Variants in CLCN6 observed in about 807,000 individuals in gnomAD.
CLCN6 encodes Cl-/H+ antiporter 6.
Under a neutral mutation model 109.8 loss-of-function variants are expected in CLCN6, and 70 were observed. The observed-to-expected ratio is 0.64, with a 90% CI of 0.53 to 0.78. The LOEUF (loss-of-function observed/expected upper bound fraction) is 0.78, where lower values mean the gene tolerates loss of function less well. CLCN6 is among the 30% of genes least tolerant of loss of function. The pLI is 0.00. For synonymous variants in CLCN6, 444 were observed against 447.8 expected (o/e 0.99, Z 0.11); for missense variants, 984 against 1,142.3 (o/e 0.86, Z 2.00).
chr1:11,826,039 C>A, intron 8 of CLCN6, 117 bp from the exon 9 acceptor site: 1 of 706,164 alleles, frequency 1.4e-6, no homozygotes, highest in Non-Finnish European at 2.4e-6. Flanking sequence ...CCCATAGTTT[C>A]AGTCCTAGGC....
At chr1:11,823,313 G>A (rs900026595) in intron 6 of CLCN6, among the ~76,000 whole-genome samples, 2 of 130,092 alleles carry the variant, frequency 1.5e-5, no homozygotes, top group Non-Finnish European at 3.3e-5. Flanking sequence ...AAAATTAGCC[G>A]GTAAAAATAC....
intron 12 of CLCN6, 64 bp from the exon 13 acceptor site, chr1:11,829,131 GT>G (rs747786154): frequency 1.9e-6 from 3 of 1,591,842 alleles, no homozygotes; most frequent in Non-Finnish European, 2.6e-6. Context: ...GCAGGGTTAT[GT>G]TTTGAATTTC....
intron 4 of CLCN6, among the ~76,000 whole-genome samples, chr1:11,817,287 T>C (rs572163424): frequency 6.6e-6 from 1 of 152,330 alleles, no homozygotes; most frequent in South Asian, 2.1e-4. Context: ...GGTACGGAAC[T>C]GTGAACATCG....
chr1:11,831,739 G>A (rs1170576020), intron 13 of CLCN6, among the ~76,000 whole-genome samples: 2 of 151,922 alleles, frequency 1.3e-5, no homozygotes, highest in African/African-American at 2.4e-5. Flanking sequence ...GCTGGAGTAC[G>A]GTGGTGTGAT....
At chr1:11,831,381 T>C (rs1644882301) in intron 13 of CLCN6, among the ~76,000 whole-genome samples, 1 of 151,964 alleles carries the variant, frequency 6.6e-6, no homozygotes, top group South Asian at 2.1e-4. Flanking sequence ...TGTTTTGAAC[T>C]CCTGACCTTG....
intron 2 of CLCN6, among the ~76,000 whole-genome samples, chr1:11,808,578 T>C (rs1376052215): frequency 6.6e-6 from 1 of 152,226 alleles, no homozygotes; most frequent in Admixed American, 6.5e-5. Context: ...TTCTTGTAAA[T>C]GTCATATGTA....
chr1:11,828,723 C>A, intron 12 of CLCN6, 99 bp downstream of exon 12: 1 of 1,249,342 alleles, frequency 8.0e-7, no homozygotes, highest in Non-Finnish European at 1.1e-6. Flanking sequence ...GCCTCCACGG[C>A]TTTGATTTCT....
intron 4 of CLCN6, 150 bp from the exon 5 acceptor site, chr1:11,819,338 T>G (rs1457466264): frequency 4.2e-6 from 3 of 717,542 alleles, no homozygotes; most frequent in African/African-American, 3.5e-5. Flanking sequence ...CCTTCTGCGC[T>G]TTTCTGCTGT....
intron 2 of CLCN6, among the ~76,000 whole-genome samples, chr1:11,809,737 C>T (rs1257623885): frequency 2.0e-5 from 3 of 152,218 alleles, no homozygotes; most frequent in African/African-American, 4.8e-5. Flanking sequence ...GGATTACAAG[C>T]GTGAGCCACC....
chr1:11,819,505 C>A lies in CLCN6; in HGVS notation c.297C>A (p.Asp99Glu). The A allele has an allele frequency of 1.2e-6, 2 of 1,614,142 alleles. No homozygotes were observed. The highest frequency in any genetic ancestry group is 1.7e-6 in the Non-Finnish European group (2 of 1,180,010). The change falls in exon 5 of 23, where the codon GAC becomes GAA. Residue 99 changes from aspartate (D) to glutamate (E), a missense_variant. By Grantham distance (45) the Asp-to-Glu change is conservative. Coordinates refer to ENST00000346436, the MANE Select transcript of CLCN6 (RefSeq NM_001286.5). ...VCTGLVGLFV[D>E]FFVRLFTQLK... ...CTTCACAGGTGGGTCTCTTTGTGGA[C>A]TTTTTTGTGCGACTCTTCACCCAAC...
rs1359328796 is a variant in CLCN6 at position 11,830,737 on chromosome 1, T to TATAATATATATATATATATATATA, written c.1248+1415_1248+1416insATAATATATATATATATATATATA. The stretch of plus-strand genomic sequence containing the variant: ...CAGTGTCCCCAGTTATATGTATATA[T>TATAATATATATATATATATATATA]TATATATATATATATATATATATAT... On this transcript the variant is annotated intron_variant, in intron 13 of 22. Transcript: ENST00000346436. 3.6e-4 allele frequency among the ~76,000 whole-genome samples: 33 copies of TATAATATATATATATATATATATA among 91,106 alleles called. 1 individual carries two copies. The highest frequency in any genetic ancestry group is 1.2e-3 in the African/African-American group (31 of 25,094). 59.8% of individuals were successfully genotyped at this position (91,106 alleles called of 152,430 possible). A position where few individuals can be genotyped will look rare whatever the true frequency, so the allele number is the denominator to read the frequency against.
chr1:11,824,299 T>C (rs1405898267), intron 7 of CLCN6, among the ~76,000 whole-genome samples, 187 bp from the exon 8 acceptor site: 2 of 152,202 alleles, frequency 1.3e-5, no homozygotes, highest in Non-Finnish European at 1.5e-5. Context: ...ATTTAGAATG[T>C]AGAGTGTTTT....
At position 11,828,580 on chromosome 1, in the gene CLCN6, A is replaced by G; in HGVS notation, c.1077A>G (p.Ala359=). 6.2e-7 allele frequency: 1 copy of G among 1,614,036 alleles called. No homozygotes were observed. Among genetic ancestry groups the G allele is most frequent in the Non-Finnish European group, 8.5e-7 (1 of 1,179,992 alleles). Residue 359 remains alanine, a synonymous_variant, in exon 12 of 23, where the codon GCA becomes GCG. Transcript: ENST00000346436. ...TCAACTGTCTGAACAAGAGGCTTGC[A>G]AAGTACCGTATGCGAAACGTGCACC... ...ATFNCLNKRL[A]KYRMRNVHPK...
intron 18 of CLCN6, 72 bp downstream of exon 18, chr1:11,836,225 G>A: frequency 7.0e-7 from 1 of 1,433,046 alleles, no homozygotes; most frequent in Non-Finnish European, 9.4e-7. Flanking sequence ...TTAGTGCTTT[G>A]CCCACCCCTG....
rs755853687 is a variant in CLCN6, at chr1:11,837,176, C to G, written c.2138+20C>G. 6.2e-7 allele frequency: 1 copy of G among 1,611,006 alleles called. No individual in the cohort carries two copies. Among genetic ancestry groups the G allele is most frequent in the Admixed American group, 1.7e-5 (1 of 59,836 alleles). ...AAGGAGGTGAGAGCCTGGCGGGGCCCCCACTGCCCGCAGGGCTACACAGCG... is the reference window on the plus strand; with the variant it reads ...AAGGAGGTGAGAGCCTGGCGGGGCCGCCACTGCCCGCAGGGCTACACAGCG... On this transcript the variant is annotated intron_variant, in intron 19 of 22. Transcript: ENST00000346436.
intron 13 of CLCN6, among the ~76,000 whole-genome samples, chr1:11,832,284 T>A (rs1644891888): frequency 6.6e-6 from 1 of 152,246 alleles, no homozygotes; most frequent in Admixed American, 6.5e-5. Context: ...TGGCAGAGTT[T>A]AGAGACAAAG....
chr1:11,829,370 T>C (rs1217269378), intron 13 of CLCN6, 48 bp downstream of exon 13: 1 of 1,609,988 alleles, frequency 6.2e-7, no homozygotes, highest in South Asian at 1.1e-5. Context: ...CGAGGAAGAA[T>C]CCAGAAATGT....
rs556693384 is a variant in CLCN6, at chr1:11,838,576, G to A, written c.2445G>A (p.Ser815=). 75 of 1,613,024 alleles carry A rather than the reference G, an allele frequency of 4.6e-5. No homozygotes were observed. The African/African-American group carries it at 7.3e-4, about 16-fold the overall frequency. Residue 815 remains serine (S), a synonymous_variant, in exon 22 of 23, where the codon TCG becomes TCA. Transcript: ENST00000346436. ...PYMNPSPFTV[S]PNTHVSQVFN... ...TGAACCCTTCGCCTTTCACCGTCTC[G>A]CCCAACACCCACGTCTCCCAAGTCT...
rs374436499 is a variant in CLCN6 at position 11,833,890 on chromosome 1, C to T, written c.1386C>T (p.Pro462=). Reference sequence around the variant, plus strand: ...CTTCCCTTGCAGGTACTTTCAGCCCCGTCACTCTGGCCTTGTTCTTCGTTC... The same window carrying T: ...CTTCCCTTGCAGGTACTTTCAGCCCTGTCACTCTGGCCTTGTTCTTCGTTC... The part of the protein sequence containing the change: ...QLFHQDGTFS[P]VTLALFFVLY... Residue 462 remains proline (P), a synonymous_variant, in exon 15 of 23, where the codon CCC becomes CCT. Coordinates refer to ENST00000346436, the MANE Select transcript of CLCN6 (RefSeq NM_001286.5). The T allele has an allele frequency of 1.5e-5, 24 of 1,610,870 alleles. No homozygotes were observed. The highest frequency in any genetic ancestry group is 1.3e-4 in the South Asian group (12 of 90,690).
Sources: allele counts gnomAD v4.1 joint callset (sites outside exome capture counted in the v4.1 genomes callset), GRCh38; gene constraint gnomAD v4.1.1; transcripts MANE v1.5; gene names NCBI Gene and HGNC (gene_info 2026-07-23, HGNC 2026-07-21).